The following MYO1H variants were observed in gnomAD, a reference collection of about 807,000 sequenced individuals.
MYO1H encodes unconventional myosin-Ih.
In MYO1H, 118 loss-of-function variants were observed where a neutral mutation model predicts 149.3. The observed-to-expected ratio is 0.79, with a 90% CI of 0.68 to 0.92. The LOEUF (loss-of-function observed/expected upper bound fraction) is 0.92. Among genes scored for constraint, MYO1H ranks in the 40% least tolerant of loss-of-function variants. The pLI is 0.00. For synonymous variants in MYO1H, 447 were observed against 465.2 expected (o/e 0.96, Z 0.50); for missense variants, 1,212 against 1,280.7 (o/e 0.95, Z 0.82).
the MYO1H span, among the ~76,000 whole-genome samples, chr12:109,312,305 C>A: frequency 9.9e-5 from 15 of 152,110 alleles, no homozygotes; most frequent in African/African-American, 3.6e-4. Flanking sequence ...CACCACCTCC[C>A]GGGTTCACGC....
chr12:109,346,897 G>A (rs10850063), upstream of MYO1H, among the ~76,000 whole-genome samples: 51,359 of 151,954 alleles, frequency 0.34, 9,095 homozygotes, highest in Middle Eastern at 0.46. Context: ...TACCTATTCA[G>A]TTACAAAAAT....
At chr12:109,333,778 G>A in the MYO1H span, among the ~76,000 whole-genome samples, 3 of 152,126 alleles carry the variant, frequency 2.0e-5, no homozygotes, top group African/African-American at 7.2e-5. Context: ...AAAATATCAA[G>A]TGGAAAATGC....
Position 109,410,669 on chromosome 12 carries a change from T to A in MYO1H, c.1330-19T>A. On this transcript the variant is annotated intron_variant, in intron 12 of 31. Coordinates refer to ENST00000310903, the Ensembl canonical transcript of MYO1H. ...ATCTAAATATTTCTTGGAGAATTCA[T>A]TCCTCTTTGTCATTTTAGTGGGAGC... 6.4e-7 allele frequency: 1 copy of A among 1,555,894 alleles called. No individual in the cohort carries two copies. The highest frequency in any genetic ancestry group is 1.2e-5 in the South Asian group (1 of 86,576).
At chr12:109,314,154 G>C in the MYO1H span, among the ~76,000 whole-genome samples, 1 of 151,920 alleles carries the variant, frequency 6.6e-6, no homozygotes, top group Non-Finnish European at 1.5e-5. Context: ...CAAAATGCTG[G>C]GATTACAGGC....
chr12:109,446,143 CTTTGGTATA>C, intron 31 of MYO1H: 2 of 985,390 alleles, frequency 2.0e-6, no homozygotes, highest in Non-Finnish European at 2.4e-6. Flanking sequence ...ATGTTAATAC[CTTTGGTATA>C]AAATGGATCT....
chr12:109,377,765 A>C (rs1039243202), intron 1 of MYO1H, among the ~76,000 whole-genome samples: 1 of 152,240 alleles, frequency 6.6e-6, no homozygotes, highest in Non-Finnish European at 1.5e-5. Flanking sequence ...AGTATTATGA[A>C]AAATAAACAT....
chr12:109,415,584 C>T, exon 15 of MYO1H: 1 of 1,606,264 alleles, frequency 6.2e-7, no homozygotes, highest in South Asian at 1.1e-5. Context: ...GTTCCGACTC[C>T]TCCACTATGC....
the MYO1H span, among the ~76,000 whole-genome samples, chr12:109,312,007 T>G: frequency 2.0e-5 from 3 of 152,222 alleles, no homozygotes; most frequent in Non-Finnish European, 2.9e-5. Flanking sequence ...CATGGTCTGT[T>G]CAAAGCTAAG....
intron 27 of MYO1H, among the ~76,000 whole-genome samples, chr12:109,442,714 G>A (rs180730928): frequency 3.3e-5 from 5 of 151,810 alleles, no homozygotes; most frequent in Non-Finnish European, 5.9e-5. Flanking sequence ...TGAATGAGTC[G>A]GTGGGCGAGA....
intron 2 of MYO1H, among the ~76,000 whole-genome samples, chr12:109,390,667 T>G (rs965104726): frequency 2.2e-5 from 3 of 136,174 alleles, no homozygotes; most frequent in Admixed American, 1.4e-4. Context: ...TGTTTGTTTG[T>G]TTTTTTTTTC....
chr12:109,434,822 T>C (rs578014978), intron 20 of MYO1H, among the ~76,000 whole-genome samples: 15 of 152,314 alleles, frequency 9.8e-5, no homozygotes, highest in African/African-American at 3.6e-4. Flanking sequence ...TGTCTTTCTG[T>C]GTGTATAGAG....
the MYO1H span, among the ~76,000 whole-genome samples, chr12:109,312,531 C>T: frequency 0.27 from 40,606 of 151,966 alleles, 5,811 homozygotes; most frequent in Admixed American, 0.38. Flanking sequence ...CACCACGGCC[C>T]GGCCTAGAAG....
At chr12:109,427,613 C>A in intron 19 of MYO1H, 27 bp downstream of exon 19, 1 of 1,483,660 alleles carries the variant, frequency 6.7e-7, no homozygotes, top group Non-Finnish European at 9.4e-7. Flanking sequence ...TGATCTGAAG[C>A]CAATAGTCAT....
exon 30 of MYO1H, chr12:109,444,473 T>A (rs1242393436): frequency 1.2e-6 from 2 of 1,614,024 alleles, no homozygotes; most frequent in Non-Finnish European, 1.7e-6. Context: ...TTGAAGCAGT[T>A]ACTAAACTCG....
At chr12:109,317,401 C>T in the MYO1H span, among the ~76,000 whole-genome samples, 13 of 152,180 alleles carry the variant, frequency 8.5e-5, no homozygotes, top group Non-Finnish European at 1.6e-4. Flanking sequence ...GTAACCATTT[C>T]GATAGTAATT....
intron 19 of MYO1H, among the ~76,000 whole-genome samples, chr12:109,432,063 G>A (rs1294216104): frequency 3.7e-5 from 5 of 136,522 alleles, no homozygotes; most frequent in Admixed American, 8.5e-5. Context: ...GTACAGTGGC[G>A]CAATCTCGGC....
At chr12:109,317,421 G>A in the MYO1H span, among the ~76,000 whole-genome samples, 3 of 152,190 alleles carry the variant, frequency 2.0e-5, no homozygotes, top group Non-Finnish European at 4.4e-5. Context: ...TTAAGTTCAA[G>A]TAAGTTCTCC....
intron 19 of MYO1H, among the ~76,000 whole-genome samples, chr12:109,432,065 A>C (rs993164799): frequency 3.7e-5 from 5 of 135,708 alleles, no homozygotes; most frequent in Non-Finnish European, 7.5e-5. Flanking sequence ...ACAGTGGCGC[A>C]ATCTCGGCTC....
At chr12:109,400,813 T>A (rs575351775) in intron 5 of MYO1H, among the ~76,000 whole-genome samples, 17 of 152,296 alleles carry the variant, frequency 1.1e-4, no homozygotes, top group Non-Finnish European at 2.4e-4. Context: ...CCCCTCTGCA[T>A]ATACAAAAAT....
Sources: allele counts gnomAD v4.1 joint callset (sites outside exome capture counted in the v4.1 genomes callset), GRCh38; gene constraint gnomAD v4.1.1; transcripts MANE v1.5; gene names NCBI Gene and HGNC (gene_info 2026-07-23, HGNC 2026-07-21).